Variants in MID1 observed in about 807,000 individuals in gnomAD.
The protein encoded by MID1 is E3 ubiquitin-protein ligase Midline-1.
MID1 carries 7 observed loss-of-function variants against 40.4 expected under a neutral mutation model. The ratio of observed to expected loss-of-function variants is 0.17; its 90% CI spans 0.10 to 0.33. MID1 has a LOEUF of 0.33. MID1 is among the 10% of genes least tolerant of loss of function. The probability of loss-of-function intolerance (pLI) is 1.00; values close to 1 mark genes in which losing one functional copy is unlikely to be tolerated. For missense variants in MID1, 367 were observed against 558.5 expected (o/e 0.66, Z 3.46); for synonymous variants, 229 against 221.2 (o/e 1.04, Z -0.31).
At chrX:10,696,493 A>G (rs754783185) in intron 1 of MID1, among the ~76,000 whole-genome samples, 14 of 111,296 alleles carry the variant, frequency 1.3e-4, no homozygotes, top group Non-Finnish European at 2.6e-4. Flanking sequence ...GCTCTAAAAC[A>G]TCTTGATAAA....
chrX:10,599,704 G>T (rs773873489), intron 1 of MID1, among the ~76,000 whole-genome samples: 2 of 112,450 alleles, frequency 1.8e-5, no homozygotes, highest in Non-Finnish European at 3.7e-5. Context: ...CCACATAACA[G>T]AAACCAGCAC....
intron 1 of MID1, among the ~76,000 whole-genome samples, chrX:10,790,552 G>C (rs1236013703): frequency 9.1e-6 from 1 of 110,331 alleles, no homozygotes; most frequent in Non-Finnish European, 1.9e-5. Context: ...TTTCCTACTT[G>C]GGTGCCATTC....
At chrX:10,451,744 T>C (rs1486732549) in intron 9 of MID1, among the ~76,000 whole-genome samples, 3 of 111,428 alleles carry the variant, frequency 2.7e-5, no homozygotes, top group Non-Finnish European at 5.6e-5. Flanking sequence ...CAAGCTCTCT[T>C]TTTGCCTGCT....
chrX:10,730,784 C>T (rs1434949134), intron 1 of MID1, among the ~76,000 whole-genome samples: 1 of 109,845 alleles, frequency 9.1e-6, no homozygotes, highest in Non-Finnish European at 1.9e-5. Context: ...CCGTATTAGC[C>T]AGGATGGTCT....
chrX:10,551,029 C>G, intron 2 of MID1, among the ~76,000 whole-genome samples: 1 of 111,725 alleles, frequency 9.0e-6, no homozygotes, highest in East Asian at 2.8e-4. Flanking sequence ...CCAAAATCCA[C>G]AGATGCTCAG....
At chrX:10,453,050 C>T (rs954452890) in intron 9 of MID1, among the ~76,000 whole-genome samples, 1 of 112,014 alleles carries the variant, frequency 8.9e-6, no homozygotes, top group Non-Finnish European at 1.9e-5. Context: ...TTTTGCCCCA[C>T]TGCAGCTAAA....
intron 4 of MID1, among the ~76,000 whole-genome samples, chrX:10,486,778 C>T (rs1039336551): frequency 8.9e-6 from 1 of 112,274 alleles, no homozygotes; most frequent in African/African-American, 3.2e-5. Flanking sequence ...AATGAACTGT[C>T]CTGTACATAG....
chrX:10,819,302 C>T (rs2044159406), intron 1 of MID1, among the ~76,000 whole-genome samples: 1 of 111,769 alleles, frequency 8.9e-6, no homozygotes, highest in Admixed American at 9.5e-5. Context: ...GTCTCTTCAA[C>T]TAATTAAATG....
intron 1 of MID1, among the ~76,000 whole-genome samples, chrX:10,811,339 T>G (rs1484067038): frequency 8.9e-6 from 1 of 112,315 alleles, no homozygotes; most frequent in Non-Finnish European, 1.9e-5. Flanking sequence ...TCACTTTGTA[T>G]AGTAGTTGCT....
chrX:10,686,161 A>T (rs1382818502), intron 1 of MID1, among the ~76,000 whole-genome samples: 1 of 111,409 alleles, frequency 9.0e-6, no homozygotes, highest in Non-Finnish European at 1.9e-5. Context: ...ACCATGGCTC[A>T]GAGTCTGTGA....
chrX:10,730,976 T>C (rs776548916), intron 1 of MID1, among the ~76,000 whole-genome samples: 2 of 112,002 alleles, frequency 1.8e-5, no homozygotes, highest in Non-Finnish European at 3.8e-5. Flanking sequence ...TATCCCTTAA[T>C]ATGGAAATTT....
intron 1 of MID1, among the ~76,000 whole-genome samples, chrX:10,830,631 T>C (rs1447210477): frequency 8.9e-6 from 1 of 112,553 alleles, no homozygotes. Flanking sequence ...AGCCAGGTTC[T>C]TTTATGTCCA....
At position 10,459,631 on chromosome X, in the gene MID1, G is replaced by C; in HGVS notation, c.1447+15C>G. The C allele has an allele frequency of 2.5e-6, 3 of 1,208,363 alleles. No individual in the cohort carries two copies. The highest frequency in any genetic ancestry group is 3.4e-6 in the Non-Finnish European group (3 of 893,356). On this transcript the variant is annotated intron_variant, in intron 8 of 9. Coordinates refer to ENST00000317552, the MANE Select transcript of MID1 (RefSeq NM_000381.4). ...AGATAAGACATGACAGCTCTGTTGA[G>C]TTCACAGCACTTACTGTTTGTCTTC...
At chrX:10,603,998 T>C (rs1367388426) in intron 1 of MID1, among the ~76,000 whole-genome samples, 2 of 111,596 alleles carry the variant, frequency 1.8e-5, no homozygotes, top group Non-Finnish European at 3.8e-5. Flanking sequence ...ATCCCAAAGA[T>C]TGGTGCACTT....
At chrX:10,636,000 C>G (rs968723556) in intron 1 of MID1, among the ~76,000 whole-genome samples, 41 of 111,971 alleles carry the variant, frequency 3.7e-4, no homozygotes, top group African/African-American at 1.3e-3. Flanking sequence ...TTTAATCCTT[C>G]TTACCTAACT....
intron 1 of MID1, among the ~76,000 whole-genome samples, chrX:10,820,727 T>C (rs985021063): frequency 1.8e-5 from 2 of 111,846 alleles, no homozygotes; most frequent in African/African-American, 6.5e-5. Context: ...ATCTTCAGAA[T>C]TGCCCACTGG....
intron 2 of MID1, among the ~76,000 whole-genome samples, chrX:10,558,974 TGA>T (rs1351559183): frequency 8.9e-6 from 1 of 111,842 alleles, no homozygotes; most frequent in African/African-American, 3.2e-5. Context: ...GTGAAGGAGT[TGA>T]GAGAGGACTC....
intron 1 of MID1, among the ~76,000 whole-genome samples, chrX:10,777,489 A>G (rs1253084130): frequency 1.9e-5 from 2 of 105,846 alleles, no homozygotes; most frequent in Non-Finnish European, 3.9e-5. Context: ...GAGCCACCAC[A>G]CCAGGCCTTT....
chrX:10,784,162 A>G (rs2043864764), intron 1 of MID1, among the ~76,000 whole-genome samples: 1 of 111,794 alleles, frequency 8.9e-6, no homozygotes, highest in African/African-American at 3.2e-5. Flanking sequence ...ATAATTAAGT[A>G]TATTCTGCCA....
Sources: gnomAD v4.1 joint callset for allele counts (sites outside exome capture counted in the v4.1 genomes callset) on GRCh38, gnomAD v4.1.1 for gene constraint, MANE v1.5 for transcripts, NCBI Gene and HGNC (gene_info 2026-07-23, HGNC 2026-07-21) for gene names.